Variants in CACTIN observed in about 807,000 individuals in gnomAD.
CACTIN encodes cactin, spliceosome C complex subunit.
A neutral mutation model predicts 84.9 loss-of-function variants in CACTIN; 20 were observed. The ratio of observed to expected loss-of-function variants is 0.24; its 90% CI spans 0.17 to 0.34. CACTIN has a LOEUF of 0.34. Among genes scored for constraint, CACTIN ranks in the 10% least tolerant of loss-of-function variants. CACTIN has a pLI of 1.00. For synonymous variants in CACTIN, 549 were observed against 467.9 expected (o/e 1.17, Z -2.24); for missense variants, 897 against 1,117.2 (o/e 0.80, Z 2.81).
At chr19:3,622,513 G>A (rs2033245305) in intron 2 of CACTIN, among the ~76,000 whole-genome samples, 1 of 152,212 alleles carries the variant, frequency 6.6e-6, no homozygotes, top group Non-Finnish European at 1.5e-5. Flanking sequence ...AGGCCGTATG[G>A]AGACAGAGAC....
intron 2 of CACTIN, among the ~76,000 whole-genome samples, chr19:3,622,363 CAAAAAAA>C (rs34766613): frequency 4.5e-5 from 4 of 88,138 alleles, no homozygotes; most frequent in African/African-American, 1.5e-4. Context: ...GACTCCATCT[CAAAAAAA>C]AAAAAAAAAA....
At position 3,611,353 on chromosome 19, in the gene CACTIN, C is replaced by A; in HGVS notation, c.*570G>T. ...GGATCGGGCGCCAGCAGGGTCCCGG[C>A]CTCAGTGCTGCCTGTGCGGGCGAGG... On this transcript the variant is annotated 3_prime_UTR_variant, in exon 10 of 10. Transcript: ENST00000429344. The A allele has an allele frequency of 2.2e-6, 1 of 452,802 alleles. No homozygotes were observed. Among genetic ancestry groups the A allele is most frequent in the Middle Eastern group, 5.2e-4 (1 of 1,922 alleles). 28.0% of individuals were successfully genotyped at this position (452,802 alleles called of 1,614,324 possible).
chr19:3,620,583 C>T, intron 3 of CACTIN, 124 bp downstream of exon 3: 1 of 738,490 alleles, frequency 1.4e-6, no homozygotes, highest in Non-Finnish European at 2.2e-6. Flanking sequence ...GCCCCTGGAT[C>T]CAGCCTTACC....
chr19:3,620,333 G>A (rs1334536449), intron 3 of CACTIN, 61 bp from the exon 4 acceptor site: 1 of 1,510,434 alleles, frequency 6.6e-7, no homozygotes, highest in Admixed American at 2.0e-5. Context: ...TGCGGGGGGA[G>A]GGGCTGTGAT....
chr19:3,612,937 G>T (rs1212836068), intron 9 of CACTIN, 121 bp downstream of exon 9: 2 of 1,205,884 alleles, frequency 1.7e-6, no homozygotes, highest in Non-Finnish European at 2.4e-6. Flanking sequence ...AGACCCGGGG[G>T]AGAAGCAGCA....
At chr19:3,619,370 A>G in intron 4 of CACTIN, 128 bp from the exon 5 acceptor site, 1 of 1,128,520 alleles carries the variant, frequency 8.9e-7, no homozygotes, top group Non-Finnish European at 1.2e-6. Context: ...TGGTCAGGGA[A>G]GGCTTCCTGG....
rs1056235224 is a variant in CACTIN at position 3,610,676 on chromosome 19, C to T, written c.*1247G>A. On this transcript the variant is annotated 3_prime_UTR_variant, in exon 10 of 10. Transcript: ENST00000429344. ...TAAAATACAACGTTTATTAAAAAAA[C>T]ATGCGATCTTGCCAATAGGCCAATT... 11 of 454,224 alleles carry T rather than the reference C, an allele frequency of 2.4e-5. No individual in the cohort carries two copies. Among genetic ancestry groups the T allele is most frequent in the African/African-American group, 4.0e-5 (2 of 49,934 alleles). 28.1% of individuals were successfully genotyped at this position (454,224 alleles called of 1,614,324 possible).
At chr19:3,619,378 T>TGGAGGA (rs916710071) in intron 4 of CACTIN, 136 bp from the exon 5 acceptor site, 4 of 1,009,698 alleles carry the variant, frequency 4.0e-6, no homozygotes, top group African/African-American at 1.6e-5. Context: ...GAAGGCTTCC[T>TGGAGGA]GGAGGAGGAG....
rs1370144865 is a variant in CACTIN at position 3,613,178 on chromosome 19, C to T, written c.1666G>A (p.Ala556Thr). ...AGCAGCCGCGGGCTGTACCTGCCGG[C>T]GTCGTAGTCGTCCAGGCTCTGCTGG... ...LIQQSLDDYD[A>T]GRYSPRLLTA... Residue 556 changes from alanine to threonine, a missense_variant, in exon 9 of 10, where the codon GCC (alanine) becomes ACC (threonine). By Grantham distance (58) the Ala-to-Thr change is moderately conservative (BLOSUM62 0). Transcript: ENST00000429344. The T allele has an allele frequency of 1.9e-6, 3 of 1,611,246 alleles. No individual in the cohort carries two copies. The highest frequency in any genetic ancestry group is 2.5e-6 in the Non-Finnish European group (3 of 1,179,372).
chr19:3,618,831 G>GC (rs1477650501), intron 6 of CACTIN, 44 bp downstream of exon 6: 15 of 1,422,702 alleles, frequency 1.1e-5, no homozygotes, highest in Admixed American at 2.0e-5. Flanking sequence ...GAACACTGTA[G>GC]CCCCCGCAGC....
Position 3,613,112 on chromosome 19 carries a change from G to A in CACTIN, c.1732C>T (p.Pro578Ser). 1 of 1,603,510 alleles carries A rather than the reference G, an allele frequency of 6.2e-7. No individual in the cohort carries two copies. Among genetic ancestry groups the A allele is most frequent in the Non-Finnish European group, 8.5e-7 (1 of 1,178,092 alleles). ...ELPLDAHVLE[P>S]DEDLQRLQLS... is the part of the protein sequence containing the mutation. ...TGCAGGCGCTGCAGGTCCTCATCCG[G>A]TTCCAGCACGTGCGCGTCCAGTGGC... The change falls in exon 9 of 10, where the codon CCG (proline) becomes TCG (serine). Residue 578 changes from proline (P) to serine (S), a missense_variant. By Grantham distance (74) the Pro-to-Ser change is moderately conservative. Around this residue, in one of 8 missense-constraint regions of CACTIN, gnomAD observed 243 missense variants for 239.9 expected, o/e 1.01. Coordinates refer to ENST00000429344, the MANE Select transcript of CACTIN (RefSeq NM_001080543.2).
intron 3 of CACTIN, 86 bp from the exon 4 acceptor site, chr19:3,620,358 CT>C: frequency 7.2e-7 from 1 of 1,397,030 alleles, no homozygotes; most frequent in Non-Finnish European, 9.8e-7. Flanking sequence ...GGGGCCCAGC[CT>C]TCACCCAGCT....
intron 6 of CACTIN, among the ~76,000 whole-genome samples, chr19:3,617,611 G>A (rs140945758): frequency 2.1e-3 from 320 of 151,632 alleles, no homozygotes; most frequent in Non-Finnish European, 3.5e-3. Context: ...GGGCAACGCT[G>A]GAAACGCCTC....
intron 9 of CACTIN, chr19:3,612,730 G>A (rs543601268): frequency 1.4e-5 from 10 of 696,080 alleles, no homozygotes; most frequent in Non-Finnish European, 2.4e-5. Flanking sequence ...CATGACCCCC[G>A]AGGGGGTCCT....
intron 3 of CACTIN, 161 bp from the exon 4 acceptor site, chr19:3,620,433 G>A: frequency 5.8e-6 from 5 of 863,174 alleles, no homozygotes; most frequent in Non-Finnish European, 9.3e-6. Flanking sequence ...GGAAGGGAGA[G>A]GGCCCTCCTG....
chr19:3,620,036 AG>A, intron 4 of CACTIN, 90 bp downstream of exon 4: 1 of 1,484,648 alleles, frequency 6.7e-7, no homozygotes, highest in Non-Finnish European at 9.2e-7. Context: ...GGGACCCTGA[AG>A]GGTGGGAGAG....
In CACTIN at chr19:3,613,547, C is replaced by T. The variant is rs759318520; in HGVS notation, c.1395G>A (p.Leu465=). 3.7e-6 allele frequency: 6 copies of T among 1,601,744 alleles called. No individual in the cohort carries two copies. In the East Asian group the frequency reaches 1.1e-4, roughly 30 times the overall value. The change falls in exon 8 of 10, where the codon CTG becomes CTA. Residue 465 remains leucine, a synonymous_variant. Coordinates refer to ENST00000429344, the MANE Select transcript of CACTIN (RefSeq NM_001080543.2). The part of the protein sequence containing the change: ...ERHQDVLRQK[L]YKLKQEQGVE... Reference sequence around the variant, plus strand: ...CGCCCTGCTCCTGCTTCAGTTTGTACAGCTTCTGCCGCAGCACGTCCTGGT... The same window carrying T: ...CGCCCTGCTCCTGCTTCAGTTTGTATAGCTTCTGCCGCAGCACGTCCTGGT...
Position 3,611,894 on chromosome 19 carries a change from G to C in CACTIN, c.*29C>G. 2 of 1,608,914 alleles carry C rather than the reference G, an allele frequency of 1.2e-6. No homozygotes were observed. The highest frequency in any genetic ancestry group is 1.7e-6 in the Non-Finnish European group (2 of 1,178,928). On this transcript the variant is annotated 3_prime_UTR_variant, in exon 10 of 10. Coordinates refer to ENST00000429344, the MANE Select transcript of CACTIN (RefSeq NM_001080543.2). ...CGAAGCCCCTTTACTGTGCCCCCGA[G>C]GACACCTGCCTGCCGTTCCCCAGGG...
At chr19:3,623,223 A>AGGGTCTTTTTT (rs2033260530) in intron 2 of CACTIN, among the ~76,000 whole-genome samples, 1 of 152,106 alleles carries the variant, frequency 6.6e-6, no homozygotes, top group Non-Finnish European at 1.5e-5. Flanking sequence ...TGACAGAGCG[A>AGGGTCTTTTTT]GACCCTGAGT....
Sources: gnomAD v4.1 joint callset for allele counts (sites outside exome capture counted in the v4.1 genomes callset) on GRCh38, gnomAD v4.1.1 for gene constraint, gnomAD v4.1.1 regional missense constraint, MANE v1.5 for transcripts, NCBI Gene and HGNC (gene_info 2026-07-23, HGNC 2026-07-21) for gene names.